PKHD1: variants seen among roughly 807,000 people sequenced by gnomAD.
The protein encoded by PKHD1 is fibrocystin.
A neutral mutation model predicts 412.0 loss-of-function variants in PKHD1; 291 were observed. The ratio of observed to expected loss-of-function variants is 0.71; its 90% CI spans 0.64 to 0.78. PKHD1 has a LOEUF of 0.78. PKHD1 is among the 30% of genes least tolerant of loss of function. The probability of loss-of-function intolerance (pLI) is 0.00; values close to 1 mark genes in which losing one functional copy is unlikely to be tolerated. For synonymous variants in PKHD1, 1,777 were observed against 1,821.5 expected (o/e 0.98, Z 0.62); for missense variants, 4,825 against 4,950.7 (o/e 0.97, Z 0.76).
At chr6:51,793,862 G>A (rs919621493) in intron 52 of PKHD1, among the ~76,000 whole-genome samples, 1 of 152,144 alleles carries the variant, frequency 6.6e-6, no homozygotes, top group African/African-American at 2.4e-5. Context: ...AAAACAGAAT[G>A]GTTTCTATTC....
intron 35 of PKHD1, among the ~76,000 whole-genome samples, chr6:51,960,611 T>C (rs1791877609): frequency 6.6e-6 from 1 of 152,178 alleles, no homozygotes; most frequent in African/African-American, 2.4e-5. Flanking sequence ...CCACTCGGCC[T>C]TTTTTGATAT....
chr6:52,013,311 T>C (rs555162341), intron 34 of PKHD1, among the ~76,000 whole-genome samples: 14 of 152,246 alleles, frequency 9.2e-5, no homozygotes, highest in Non-Finnish European at 1.6e-4. Context: ...TTATTCTTGC[T>C]CTGAAGAGAA....
chr6:52,079,054 T>C (rs1811685704), intron 5 of PKHD1, among the ~76,000 whole-genome samples: 1 of 152,234 alleles, frequency 6.6e-6, no homozygotes, highest in African/African-American at 2.4e-5. Context: ...GACTGCATTG[T>C]ATGTTTTGAA....
At chr6:51,784,586 A>T (rs1458782910) in intron 53 of PKHD1, among the ~76,000 whole-genome samples, 4 of 152,212 alleles carry the variant, frequency 2.6e-5, no homozygotes, top group Admixed American at 2.6e-4. Context: ...CTGTCTTGTT[A>T]AAGCCATACT....
chr6:51,912,434 T>C lies in PKHD1; in HGVS notation c.6264A>G (p.Lys2088=). 2 of 1,613,128 alleles carry C rather than the reference T, an allele frequency of 1.2e-6. No individual in the cohort carries two copies. Among genetic ancestry groups the C allele is most frequent in the Non-Finnish European group, 1.7e-6 (2 of 1,179,294 alleles). ...IISGTGVKGA[K]PMEEIVTVET... ...CCACAGTGACAATCTCTTCCATCGG[T>C]TTGGCACCTTTAACACCTGTTCCAC... Residue 2088 remains lysine (K), a synonymous_variant, in exon 38 of 67, where the codon AAA becomes AAG. Coordinates refer to ENST00000371117, the MANE Select transcript of PKHD1 (RefSeq NM_138694.4).
chr6:51,961,483 G>A (rs1321507), intron 35 of PKHD1, among the ~76,000 whole-genome samples: 50,262 of 151,942 alleles, frequency 0.33, 8,878 homozygotes, highest in Non-Finnish European at 0.4. Flanking sequence ...CAGGAGCATC[G>A]TTGTGAACTG....
At chr6:51,730,554 ATATT>A (rs1472420819) in intron 60 of PKHD1, among the ~76,000 whole-genome samples, 5 of 152,206 alleles carry the variant, frequency 3.3e-5, no homozygotes, top group Non-Finnish European at 7.4e-5. Flanking sequence ...TTCCATCAAC[ATATT>A]TATTTCTAGA....
rs918876459 is a variant in PKHD1, at chr6:52,045,856, A to C, written c.2592+148T>G. ...CAAAATATGTGTTGAAAACTTCCAG[A>C]AAGAAAGTTCATAGAATCCCTTTAC... On this transcript the variant is annotated intron_variant, in intron 24 of 66. Coordinates refer to ENST00000371117, the MANE Select transcript of PKHD1 (RefSeq NM_138694.4). The C allele has an allele frequency of 6.0e-6, 4 of 671,030 alleles. No homozygotes were observed. In the African/African-American group the frequency reaches 7.2e-5, roughly 12 times the overall value. The allele number at this position is 671,030 out of a possible 1,614,324, so 41.6% of individuals were successfully genotyped here. A position where few individuals can be genotyped will look rare whatever the true frequency, so the allele number is the denominator to read the frequency against.
Position 51,618,393 on chromosome 6 carries a change from C to A in PKHD1, c.*688G>T. ...TTTCCCAAATTTGGCATTTTTACAT[C>A]TTTGTCCTTAACTAAACTCTCAGCA... On this transcript the variant is annotated 3_prime_UTR_variant, in exon 67 of 67. Transcript: ENST00000371117. The A allele has an allele frequency of 6.6e-6, 1 of 152,374 alleles. No homozygotes were observed. Among genetic ancestry groups the A allele is most frequent in the Non-Finnish European group, 1.5e-5 (1 of 68,188 alleles). 9.4% of individuals were successfully genotyped at this position (152,374 alleles called of 1,614,324 possible).
chr6:51,749,587 A>T (rs1186919767), intron 57 of PKHD1, among the ~76,000 whole-genome samples: 1 of 152,210 alleles, frequency 6.6e-6, no homozygotes, highest in African/African-American at 2.4e-5. Flanking sequence ...ACACCGTTCT[A>T]ATTCTTATTC....
At chr6:51,873,391 G>T (rs916092759) in intron 46 of PKHD1, among the ~76,000 whole-genome samples, 1 of 152,226 alleles carries the variant, frequency 6.6e-6, no homozygotes, top group Non-Finnish European at 1.5e-5. Flanking sequence ...GGGTTGAATG[G>T]GGGGACAAGA....
rs1277165962 is a variant in PKHD1 at position 51,616,051 on chromosome 6, T to C, written c.*3030A>G. 1.3e-5 allele frequency: 2 copies of C among 152,140 alleles called. No homozygotes were observed. Among genetic ancestry groups the C allele is most frequent in the Admixed American group, 6.5e-5 (1 of 15,272 alleles). 9.4% of individuals were successfully genotyped at this position (152,140 alleles called of 1,614,324 possible). ...CAATTTTGAAATCTATAAATATTTA[T>C]AGATGTTCTTTATTTGACAAATAAA... On this transcript the variant is annotated 3_prime_UTR_variant, in exon 67 of 67. Transcript: ENST00000371117.
At chr6:51,807,890 T>C (rs1052664268) in intron 52 of PKHD1, among the ~76,000 whole-genome samples, 1 of 152,034 alleles carries the variant, frequency 6.6e-6, no homozygotes, top group African/African-American at 2.4e-5. Flanking sequence ...GGAAAGTAGA[T>C]TAATGGTTGC....
chr6:51,975,981 A>C (rs992082900), intron 35 of PKHD1: 5 of 150,856 alleles, frequency 3.3e-5, no homozygotes. Flanking sequence ...AAAAAAAAAA[A>C]AAAAAAAAAC....
In PKHD1 at chr6:51,659,784, T is replaced by G; in HGVS notation, c.10342A>C (p.Ile3448Leu). ...ACTGACCCAGAAGTAGAGCAGGGAA[T>G]ATTGGCATTTACACTGCTAAAGACA... ...VDVFSSVNANIPCSTSGSVST... is the reference protein window; with the variant it reads ...VDVFSSVNANLPCSTSGSVST... The change falls in exon 61 of 67, where the codon ATT (isoleucine) becomes CTT (leucine). Residue 3448 changes from isoleucine (I) to leucine (L), a missense_variant. Physicochemically the swap from Ile to Leu is conservative, Grantham distance 5. Coordinates refer to ENST00000371117, the MANE Select transcript of PKHD1 (RefSeq NM_138694.4). 6.2e-7 allele frequency: 1 copy of G among 1,613,440 alleles called. No homozygotes were observed. Among genetic ancestry groups the G allele is most frequent in the Non-Finnish European group, 8.5e-7 (1 of 1,179,500 alleles).
At chr6:51,668,114 T>C (rs1280350728) in intron 60 of PKHD1, among the ~76,000 whole-genome samples, 1 of 152,204 alleles carries the variant, frequency 6.6e-6, no homozygotes, top group African/African-American at 2.4e-5. Context: ...AGGATGGCAC[T>C]GAATCTGTAA....
At chr6:51,839,995 G>C (rs905046608) in intron 50 of PKHD1, among the ~76,000 whole-genome samples, 4 of 151,908 alleles carry the variant, frequency 2.6e-5, no homozygotes, top group Admixed American at 6.6e-5. Context: ...CTGTCTTCTT[G>C]TGCTGGCTGT....
intron 43 of PKHD1, among the ~76,000 whole-genome samples, chr6:51,898,956 A>C (rs1399843127): frequency 6.6e-6 from 1 of 152,258 alleles, no homozygotes; most frequent in Non-Finnish European, 1.5e-5. Flanking sequence ...CTCTCCAGAG[A>C]CTAAACCAGG....
At position 52,010,370 on chromosome 6, in the gene PKHD1, G is replaced by T; in HGVS notation, c.5690C>A (p.Pro1897His). 6.2e-7 allele frequency: 1 copy of T among 1,613,060 alleles called. No individual in the cohort carries two copies. Among genetic ancestry groups the T allele is most frequent in the Non-Finnish European group, 8.5e-7 (1 of 1,179,188 alleles). ...ETEAEMECET[P>H]NQPITVKITE... Reference sequence around the variant, plus strand: ...AATCTTGACGGTAATTGGCTGATTGGGCGTCTCACACTCCATCTCTGCCTC... The same window carrying T: ...AATCTTGACGGTAATTGGCTGATTGTGCGTCTCACACTCCATCTCTGCCTC... The change falls in exon 35 of 67, where the codon CCC becomes CAC. Residue 1897 changes from proline (P) to histidine (H), a missense_variant. Coordinates refer to ENST00000371117, the MANE Select transcript of PKHD1 (RefSeq NM_138694.4).
Sources: gnomAD v4.1 joint callset for allele counts (sites outside exome capture counted in the v4.1 genomes callset) on GRCh38, gnomAD v4.1.1 for gene constraint, MANE v1.5 for transcripts, NCBI Gene and HGNC (gene_info 2026-07-23, HGNC 2026-07-21) for gene names.